The following TRERF1 variants were observed in gnomAD, a reference collection of about 807,000 sequenced individuals.
TRERF1 encodes transcriptional-regulating factor 1.
In TRERF1, 27 loss-of-function variants were observed where a neutral mutation model predicts 122.9. That is an observed-to-expected ratio of 0.22 (90% confidence interval 0.16 to 0.30). TRERF1 has a LOEUF of 0.30. Ranked by LOEUF, TRERF1 falls within the 10% of genes least tolerant of loss-of-function variation. The pLI is 1.00. For missense variants in TRERF1, 1,248 were observed against 1,560.3 expected (o/e 0.80, Z 3.37); for synonymous variants, 636 against 641.7 (o/e 0.99, Z 0.13).
chr6:42,369,780 T>C (rs1773435359), intron 2 of TRERF1, among the ~76,000 whole-genome samples: 1 of 152,064 alleles, frequency 6.6e-6, no homozygotes, highest in Non-Finnish European at 1.5e-5. Context: ...GGAGGTAAAA[T>C]TTCACAATAT....
chr6:42,232,251 C>A lies in TRERF1; in HGVS notation c.3278+430G>T, dbSNP rs772998837. Among the ~76,000 whole-genome samples the A allele has an allele frequency of 3.3e-5, 5 of 152,262 alleles. No homozygotes were observed. The highest frequency in any genetic ancestry group is 4.4e-5 in the Non-Finnish European group (3 of 68,028). ...TGTCTGCCTTAGTCACAGAAGTAAG[C>A]GAAGGTGGTAGGATTACCCTGTATG... On this transcript the variant is annotated intron_variant, in intron 17 of 17. Coordinates refer to ENST00000372922, the Ensembl canonical transcript of TRERF1. The surrounding 1 kb of genome is among the most constrained non-coding windows in gnomAD (Gnocchi z 4.5).
At chr6:42,408,844 C>G (rs1780698335) in intron 2 of TRERF1, among the ~76,000 whole-genome samples, 1 of 152,062 alleles carries the variant, frequency 6.6e-6, no homozygotes, top group Admixed American at 6.5e-5. Context: ...GTAAAACTAA[C>G]TTTTTAATAC....
chr6:42,261,778 G>A (rs1180976555), intron 8 of TRERF1, among the ~76,000 whole-genome samples: 1 of 152,066 alleles, frequency 6.6e-6, no homozygotes, highest in Non-Finnish European at 1.5e-5. Flanking sequence ...CCCCACCAAC[G>A]AGGTCTCTCT....
intron 2 of TRERF1, among the ~76,000 whole-genome samples, chr6:42,407,325 T>C (rs953335908): frequency 6.6e-6 from 1 of 152,214 alleles, no homozygotes; most frequent in African/African-American, 2.4e-5. Context: ...TTATTCGCAA[T>C]GACTCTGTTG....
chr6:42,434,514 G>A (rs1784953273), intron 2 of TRERF1, among the ~76,000 whole-genome samples: 1 of 151,728 alleles, frequency 6.6e-6, no homozygotes, highest in African/African-American at 2.4e-5. Flanking sequence ...CCAAAGGACT[G>A]AAAGAAAATA....
chr6:42,306,063 G>A (rs144561187), intron 3 of TRERF1, among the ~76,000 whole-genome samples: 1,892 of 133,524 alleles, frequency 0.014, 32 homozygotes, highest in African/African-American at 0.047. Context: ...GTGCAGTGGC[G>A]CGATCTCGGC....
At chr6:42,250,774 A>G (rs1163520430) in intron 13 of TRERF1, among the ~76,000 whole-genome samples, 1 of 152,034 alleles carries the variant, frequency 6.6e-6, no homozygotes, top group African/African-American at 2.4e-5. Flanking sequence ...ACTGGATGAA[A>G]CCGGTGCTGG....
chr6:42,434,294 C>CA (rs1195826161), intron 2 of TRERF1, among the ~76,000 whole-genome samples: 1 of 151,676 alleles, frequency 6.6e-6, no homozygotes, highest in African/African-American at 2.4e-5. Flanking sequence ...ACCAAAAACA[C>CA]AGAGCCATGA....
chr6:42,433,855 C>T (rs889977308), intron 2 of TRERF1, among the ~76,000 whole-genome samples: 1 of 149,972 alleles, frequency 6.7e-6, no homozygotes, highest in East Asian at 1.9e-4. Context: ...CCCATCTCTA[C>T]AAAAAAAAAA....
Position 42,254,981 on chromosome 6 carries a change from A to G in TRERF1, c.2581-55T>C, listed in dbSNP as rs1318121160. On this transcript the variant is annotated intron_variant, in intron 12 of 17. Coordinates refer to ENST00000372922, the Ensembl canonical transcript of TRERF1. ...AGTCAGCAACTGGTCTGTGTGTCCT[A>G]TGGAGATCATCTACCCAAAGGGGAA... 1.2e-5 allele frequency: 18 copies of G among 1,559,968 alleles called. No individual in the cohort carries two copies. In the Admixed American group the frequency reaches 1.7e-4, roughly 14 times the overall value.
chr6:42,369,265 C>T (rs920076715), intron 2 of TRERF1, among the ~76,000 whole-genome samples: 2 of 152,162 alleles, frequency 1.3e-5, no homozygotes, highest in South Asian at 4.1e-4. Flanking sequence ...GCCTGGCCAA[C>T]ATGGTGAAAC....
At chr6:42,367,381 C>T (rs372472885) in intron 2 of TRERF1, among the ~76,000 whole-genome samples, 1 of 152,202 alleles carries the variant, frequency 6.6e-6, no homozygotes, top group Non-Finnish European at 1.5e-5. Context: ...CACCGGACCT[C>T]GGTGAATGCC....
At chr6:42,226,065 A>G (rs1361760039) in exon 18 of TRERF1, 1 of 152,224 alleles carries the variant, frequency 6.6e-6, no homozygotes, top group Non-Finnish European at 1.5e-5. Context: ...TAGGAAGTCC[A>G]TTCTTTAAGT....
At chr6:42,226,835 G>A (rs1345328605) in exon 18 of TRERF1, 4 of 152,252 alleles carry the variant, frequency 2.6e-5, no homozygotes, top group African/African-American at 9.6e-5. Flanking sequence ...GCACACCTAC[G>A]TGGAGCTGGG....
chr6:42,441,365 T>C (rs957438019), intron 2 of TRERF1, among the ~76,000 whole-genome samples: 1 of 152,200 alleles, frequency 6.6e-6, no homozygotes, highest in Non-Finnish European at 1.5e-5. Context: ...AGAAATCTAA[T>C]ATTCAGTCTC....
intron 15 of TRERF1, among the ~76,000 whole-genome samples, chr6:42,239,719 C>T (rs1221601828): frequency 6.6e-6 from 1 of 152,056 alleles, no homozygotes; most frequent in East Asian, 1.9e-4. Flanking sequence ...TGCACACCCT[C>T]CCCAGGCGCA....
chr6:42,412,820 T>C (rs1388846087), intron 2 of TRERF1, among the ~76,000 whole-genome samples: 1 of 152,098 alleles, frequency 6.6e-6, no homozygotes, highest in Non-Finnish European at 1.5e-5. Flanking sequence ...CAGCCATGTG[T>C]CTGTCATCCC....
Position 42,319,204 on chromosome 6 carries a change from C to A in TRERF1, c.-370-18455G>T, listed in dbSNP as rs573446650. Among the ~76,000 whole-genome samples the A allele has an allele frequency of 3.9e-5, 6 of 152,252 alleles. No individual in the cohort carries two copies. In the South Asian group the frequency reaches 1.2e-3, roughly 32 times the overall value. ...GACATTTTCACACCACAGATATACT[C>A]TATATCTGTTTATGTACCATGTAGA... is the stretch of plus-strand genomic sequence containing the variant. On this transcript the variant is annotated intron_variant, in intron 3 of 17. Coordinates refer to ENST00000372922, the Ensembl canonical transcript of TRERF1.
chr6:42,406,260 G>C (rs1021138805), intron 2 of TRERF1, among the ~76,000 whole-genome samples: 1 of 152,174 alleles, frequency 6.6e-6, no homozygotes. Flanking sequence ...AAATCAGTCA[G>C]ACCCCCTTCC....
Sources: allele counts gnomAD v4.1 joint callset (sites outside exome capture counted in the v4.1 genomes callset), GRCh38; gene constraint gnomAD v4.1.1; non-coding constraint Gnocchi (gnomAD v3.1); transcripts MANE v1.5; gene names NCBI Gene and HGNC (gene_info 2026-07-23, HGNC 2026-07-21).